Variants in PLCE1 observed in about 807,000 individuals in gnomAD.
PLCE1 encodes phospholipase C epsilon 1.
In PLCE1, 119 loss-of-function variants were observed where a neutral mutation model predicts 242.8. The observed-to-expected ratio is 0.49, with a 90% CI of 0.42 to 0.57. The LOEUF (loss-of-function observed/expected upper bound fraction) is 0.57, where lower values mean the gene tolerates loss of function less well. Among genes scored for constraint, PLCE1 ranks in the 20% least tolerant of loss-of-function variants. The probability of loss-of-function intolerance (pLI) is 0.00; values close to 1 mark genes in which losing one functional copy is unlikely to be tolerated. For missense variants in PLCE1, 2,441 were observed against 2,788.8 expected (o/e 0.88, Z 2.81); for synonymous variants, 945 against 1,017.4 (o/e 0.93, Z 1.35).
At chr10:94,239,293 G>A (rs2050424632) in intron 7 of PLCE1, among the ~76,000 whole-genome samples, 2 of 152,178 alleles carry the variant, frequency 1.3e-5, no homozygotes, top group South Asian at 2.1e-4. Context: ...ATTGAATCAC[G>A]GGGGCGGTTT....
At chr10:94,202,456 C>A (rs2049015336) in intron 4 of PLCE1, among the ~76,000 whole-genome samples, 1 of 152,146 alleles carries the variant, frequency 6.6e-6, no homozygotes, top group Non-Finnish European at 1.5e-5. Flanking sequence ...AAAACGGAGA[C>A]AAAACTGAGC....
At chr10:94,121,771 A>G (rs1368292457) in intron 2 of PLCE1, among the ~76,000 whole-genome samples, 1 of 152,100 alleles carries the variant, frequency 6.6e-6, no homozygotes, top group African/African-American at 2.4e-5. Flanking sequence ...CATCTCTGCT[A>G]TCCCATTTCT....
intron 27 of PLCE1, among the ~76,000 whole-genome samples, chr10:94,311,893 G>A (rs2053398114): frequency 6.6e-6 from 1 of 152,138 alleles, no homozygotes; most frequent in Admixed American, 6.6e-5. Flanking sequence ...CCAAGAAGAT[G>A]ATGTGCAGGC....
chr10:94,324,796 T>G, intron 31 of PLCE1, 96 bp from the exon 32 acceptor site: 1 of 1,283,536 alleles, frequency 7.8e-7, no homozygotes, highest in Admixed American at 1.7e-5. Flanking sequence ...TCCAAAGCTC[T>G]AGAGAGAAGA....
intron 2 of PLCE1, among the ~76,000 whole-genome samples, chr10:94,055,443 G>T (rs2043877895): frequency 6.6e-6 from 1 of 151,900 alleles, no homozygotes; most frequent in African/African-American, 2.4e-5. Context: ...TGCCTCCCAA[G>T]TAGCTGGGAT....
chr10:94,085,191 G>A (rs1350369187), intron 2 of PLCE1, among the ~76,000 whole-genome samples: 1 of 152,128 alleles, frequency 6.6e-6, no homozygotes, highest in East Asian at 1.9e-4. Context: ...CATGAGGACA[G>A]GCAGGATTTG....
intron 20 of PLCE1, chr10:94,280,147 G>C (rs1045189065): frequency 1.3e-5 from 7 of 545,586 alleles, no homozygotes; most frequent in Middle Eastern, 5.0e-4. Flanking sequence ...TCATTCCTAC[G>C]ACAAGTTTCT....
intron 3 of PLCE1, among the ~76,000 whole-genome samples, chr10:94,158,826 T>A (rs2047512586): frequency 1.3e-5 from 2 of 151,128 alleles, no homozygotes; most frequent in Admixed American, 1.3e-4. Context: ...GGTATGAGAT[T>A]ATTATTTTAA....
At chr10:94,327,788 C>G (rs1489258697) in intron 32 of PLCE1, among the ~76,000 whole-genome samples, 180 bp from the exon 33 acceptor site, 1 of 151,988 alleles carries the variant, frequency 6.6e-6, no homozygotes, top group African/African-American at 2.4e-5. Flanking sequence ...CAGAAATAAC[C>G]TAATGTTCTA....
chr10:94,015,257 G>A (rs550959614), intron 1 of PLCE1, among the ~76,000 whole-genome samples: 2 of 152,216 alleles, frequency 1.3e-5, no homozygotes, highest in Admixed American at 1.3e-4. Context: ...TGGGTAAAAT[G>A]AATCAAATTT....
chr10:94,259,059 A>G lies in PLCE1; in HGVS notation c.3723A>G (p.Ala1241=), dbSNP rs748536721. The G allele has an allele frequency of 3.1e-6, 5 of 1,614,148 alleles. No individual in the cohort carries two copies. The highest frequency in any genetic ancestry group is 4.2e-6 in the Non-Finnish European group (5 of 1,179,988). ...KDLKDLFDVY[A]VPCNRSGSES... ...TGAAGGATCTGTTTGATGTCTATGC[A>G]GTGCCCTGCAACCGATCTGGCTCCG... The change falls in exon 13 of 33, where the codon GCA becomes GCG. Residue 1241 remains alanine, a synonymous_variant. Coordinates refer to ENST00000371380, the MANE Select transcript of PLCE1 (RefSeq NM_016341.4).
chr10:94,283,579 T>G (rs376479899), intron 20 of PLCE1: 1 of 450,596 alleles, frequency 2.2e-6, no homozygotes. Context: ...CAAAAACTAC[T>G]GGTAAATAAA....
Position 94,030,921 on chromosome 10 carries a change from C to T in PLCE1, c.-126C>T. The T allele has an allele frequency of 1.1e-6, 1 of 934,398 alleles. No homozygotes were observed. The highest frequency in any genetic ancestry group is 1.7e-6 in the Non-Finnish European group (1 of 572,470). 57.9% of individuals were successfully genotyped at this position (934,398 alleles called of 1,614,324 possible). A position where few individuals can be genotyped will look rare whatever the true frequency, so the allele number is the denominator to read the frequency against. The stretch of plus-strand genomic sequence containing the variant: ...TGCTCCTGAATGAAAGGAATTATCC[C>T]TTTGTTCTTTGGGAGGACTTGTGTA... On this transcript the variant is annotated 5_prime_UTR_variant, in exon 2 of 33. Transcript: ENST00000371380.
In PLCE1 at chr10:94,298,390, G is replaced by A. The variant is rs2052916537; in HGVS notation, c.5179G>A (p.Gly1727Ser). The A allele has an allele frequency of 6.2e-7, 1 of 1,614,088 alleles. No homozygotes were observed. The highest frequency in any genetic ancestry group is 2.2e-5 in the East Asian group (1 of 44,886). Residue 1727 changes from glycine (G) to serine (S), a missense_variant, in exon 24 of 33, where the codon GGC (glycine) becomes AGC (serine). This residue lies in a region of PLCE1 where 1,004 missense variants were observed against 1,322.7 expected (regional missense o/e 0.76). Coordinates refer to ENST00000371380, the MANE Select transcript of PLCE1 (RefSeq NM_016341.4). The surrounding 1 kb of genome is among the most constrained non-coding windows in gnomAD (Gnocchi z 5.2). ...CTTGGGGGGTTTAGGTTCCTGTGAA[G>A]GCATTCGACAGACCTGGGAGGAATC... Reference protein sequence around the residue: ...NKTSGKSSCEGIRQTWEESSS... With the variant: ...NKTSGKSSCESIRQTWEESSS...
chr10:94,223,355 T>C (rs2049827480), intron 4 of PLCE1, among the ~76,000 whole-genome samples: 1 of 150,970 alleles, frequency 6.6e-6, no homozygotes, highest in Non-Finnish European at 1.5e-5. Context: ...AGGAGGGATA[T>C]AGGGGAGAGG....
At chr10:94,071,619 C>T (rs1204699673) in intron 2 of PLCE1, among the ~76,000 whole-genome samples, 1 of 150,730 alleles carries the variant, frequency 6.6e-6, no homozygotes, top group Non-Finnish European at 1.5e-5. Context: ...GCTACTCATC[C>T]TCCCCAGTAT....
chr10:94,201,836 T>C (rs1412816043), intron 4 of PLCE1, among the ~76,000 whole-genome samples: 1 of 152,140 alleles, frequency 6.6e-6, no homozygotes, highest in Non-Finnish European at 1.5e-5. Context: ...AAGGGAAACA[T>C]TTAGTACAGT....
At chr10:94,201,316 A>C (rs899335585) in intron 4 of PLCE1, among the ~76,000 whole-genome samples, 1 of 151,988 alleles carries the variant, frequency 6.6e-6, no homozygotes, top group South Asian at 2.1e-4. Flanking sequence ...CCTACCACTC[A>C]CTCAGGATTG....
intron 2 of PLCE1, among the ~76,000 whole-genome samples, chr10:94,073,732 C>T (rs1276041154): frequency 2.0e-5 from 3 of 152,108 alleles, no homozygotes; most frequent in East Asian, 3.9e-4. Context: ...TACCAAAACA[C>T]CAGAGGTTTG....
Sources: gnomAD v4.1 joint callset for allele counts (sites outside exome capture counted in the v4.1 genomes callset) on GRCh38, gnomAD v4.1.1 for gene constraint, gnomAD v4.1.1 regional missense constraint, Gnocchi (gnomAD v3.1) non-coding constraint, MANE v1.5 for transcripts, NCBI Gene and HGNC (gene_info 2026-07-23, HGNC 2026-07-21) for gene names.